Variants in TOX observed in about 807,000 individuals in gnomAD.
TOX encodes the protein thymocyte selection-associated high mobility group box protein TOX.
A neutral mutation model predicts 53.7 loss-of-function variants in TOX; 11 were observed. The observed-to-expected ratio is 0.20, with a 90% CI of 0.13 to 0.34. The LOEUF (loss-of-function observed/expected upper bound fraction) is 0.34. Ranked by LOEUF, TOX falls within the 10% of genes least tolerant of loss-of-function variation. The pLI is 1.00. For synonymous variants in TOX, 225 were observed against 245.3 expected (o/e 0.92, Z 0.77); for missense variants, 570 against 664.6 (o/e 0.86, Z 1.56).
intron 1 of TOX, among the ~76,000 whole-genome samples, chr8:59,021,477 A>AT (rs1187458598): frequency 1.8e-3 from 108 of 61,384 alleles, no homozygotes; most frequent in African/African-American, 3.9e-3. Context: ...AAAAAAAAAA[A>AT]AAAAATATAT....
intron 2 of TOX, 41 bp from the exon 3 acceptor site, chr8:58,939,585 T>C: frequency 5.1e-6 from 8 of 1,568,866 alleles, no homozygotes; most frequent in East Asian, 2.3e-5. Context: ...AATTATCATC[T>C]TCTTGCTCTT....
chr8:59,062,474 T>C (rs2129422028), intron 1 of TOX, among the ~76,000 whole-genome samples: 1 of 152,322 alleles, frequency 6.6e-6, no homozygotes, highest in East Asian at 1.9e-4. Flanking sequence ...GATAATTAAA[T>C]GTGAATTGAG....
intron 1 of TOX, among the ~76,000 whole-genome samples, chr8:58,972,904 T>C (rs1043997380): frequency 1.3e-5 from 2 of 152,218 alleles, no homozygotes; most frequent in African/African-American, 4.8e-5. Context: ...GGAACAGTTC[T>C]GAGCAGAATG....
chr8:59,081,200 T>C (rs80242558), intron 1 of TOX, among the ~76,000 whole-genome samples: 2,497 of 152,122 alleles, frequency 0.016, 90 homozygotes, highest in East Asian at 0.14. Context: ...CTAATTTTTG[T>C]ATTTTTAGTA....
chr8:58,972,046 T>C (rs16924342), intron 1 of TOX, among the ~76,000 whole-genome samples: 3,584 of 152,174 alleles, frequency 0.024, 134 homozygotes, highest in African/African-American at 0.082. Context: ...TATGAAATAA[T>C]GGGAGGAAAG....
At chr8:58,936,712 G>T (rs917630276) in intron 3 of TOX, among the ~76,000 whole-genome samples, 2 of 152,134 alleles carry the variant, frequency 1.3e-5, no homozygotes, top group African/African-American at 4.8e-5. Flanking sequence ...TCCAGCCAGA[G>T]ATCCCCAAGC....
intron 1 of TOX, among the ~76,000 whole-genome samples, chr8:59,011,376 T>C (rs1271794083): frequency 1.3e-5 from 2 of 152,208 alleles, no homozygotes; most frequent in Admixed American, 1.3e-4. Context: ...CAGGAAAGGC[T>C]GCAGAAACCA....
rs535957557 is a variant in TOX at position 59,060,423 on chromosome 8, T to C, written c.102+58463A>G. Among the ~76,000 whole-genome samples the C allele has an allele frequency of 3.9e-5, 6 of 152,294 alleles. No homozygotes were observed. In the East Asian group the frequency reaches 9.6e-4, roughly 24 times the overall value. ...CGGGCAGATCACGAGGTCAGGAGAT[T>C]GAGACCAGCCTGGCCAACACGGTGA... On this transcript the variant is annotated intron_variant, in intron 1 of 8. Transcript: ENST00000361421.
Position 58,975,291 on chromosome 8 carries a change from G to T in TOX, c.103-15283C>A, listed in dbSNP as rs537157627. The stretch of plus-strand genomic sequence containing the variant: ...CCACACAGAGAGAGAGAGAGAGAGG[G>T]GAGATTGACACTACTTTAGAGCAAT... On this transcript the variant is annotated intron_variant, in intron 1 of 8. Coordinates refer to ENST00000361421, the MANE Select transcript of TOX (RefSeq NM_014729.3). Among the ~76,000 whole-genome samples the T allele has an allele frequency of 6.1e-4, 92 of 151,410 alleles. 1 individual carries two copies. Among genetic ancestry groups the T allele is most frequent in the African/African-American group, 2.2e-3 (92 of 41,210 alleles).
chr8:58,847,122 A>C (rs1810730825), intron 4 of TOX, among the ~76,000 whole-genome samples: 1 of 152,150 alleles, frequency 6.6e-6, no homozygotes. Context: ...AGAGAAATCC[A>C]CCTTTAAACA....
chr8:58,814,031 T>C (rs1270379839), intron 7 of TOX, among the ~76,000 whole-genome samples: 1 of 152,208 alleles, frequency 6.6e-6, no homozygotes, highest in Non-Finnish European at 1.5e-5. Flanking sequence ...TGTCTTCCTC[T>C]AAATGAAGAT....
chr8:58,967,258 T>C (rs1294121714), intron 1 of TOX, among the ~76,000 whole-genome samples: 2 of 152,218 alleles, frequency 1.3e-5, no homozygotes, highest in Non-Finnish European at 2.9e-5. Flanking sequence ...CAAACCAGTT[T>C]GAACTTCTTC....
chr8:59,016,509 T>C (rs1468997518), intron 1 of TOX, among the ~76,000 whole-genome samples: 3 of 152,180 alleles, frequency 2.0e-5, no homozygotes, highest in Non-Finnish European at 4.4e-5. Flanking sequence ...TAAAAATGAA[T>C]GTCAGTAAAT....
intron 1 of TOX, among the ~76,000 whole-genome samples, chr8:59,049,447 T>G (rs1219497112): frequency 1.3e-5 from 2 of 152,218 alleles, no homozygotes; most frequent in African/African-American, 4.8e-5. Flanking sequence ...TTCAATATCT[T>G]GTTGTATTTT....
intron 5 of TOX, among the ~76,000 whole-genome samples, chr8:58,828,661 T>C (rs958609048): frequency 3.9e-5 from 6 of 152,064 alleles, no homozygotes; most frequent in African/African-American, 7.2e-5. Context: ...GATCTGTGTA[T>C]ATCGTAAGCC....
intron 3 of TOX, among the ~76,000 whole-genome samples, chr8:58,935,442 G>A (rs1318629880): frequency 6.6e-6 from 1 of 152,146 alleles, no homozygotes; most frequent in African/African-American, 2.4e-5. Context: ...ATTAGAGAAA[G>A]TTGATCCTAC....
intron 1 of TOX, among the ~76,000 whole-genome samples, chr8:59,040,112 G>A (rs1803548395): frequency 6.6e-6 from 1 of 151,994 alleles, no homozygotes; most frequent in African/African-American, 2.4e-5. Flanking sequence ...GGCGGATCAC[G>A]AGGTCAGGAG....
At chr8:58,965,894 G>GCTTTTTTTTTTT (rs1374766431) in intron 1 of TOX, among the ~76,000 whole-genome samples, 1 of 49,616 alleles carries the variant, frequency 2.0e-5, no homozygotes, top group African/African-American at 7.7e-5. Flanking sequence ...ACGAGTCATC[G>GCTTTTTTTTTTT]TTTTTTTTTT....
rs1236889206 is a variant in TOX, at chr8:59,040,189, C to T, written c.102+78697G>A. On this transcript the variant is annotated intron_variant, in intron 1 of 8. Transcript: ENST00000361421. ...CTAAAAATACAAAAAATTAGCCGGG[C>T]GTAGTGGCGGGCGCCTGTAGTCCCA... Among the ~76,000 whole-genome samples, 11 of 151,756 alleles carry T rather than the reference C, an allele frequency of 7.2e-5. No individual in the cohort carries two copies. The East Asian group carries it at 2.1e-3, about 29-fold the overall frequency.
Sources: gnomAD v4.1 joint callset for allele counts (sites outside exome capture counted in the v4.1 genomes callset) on GRCh38, gnomAD v4.1.1 for gene constraint, MANE v1.5 for transcripts, NCBI Gene and HGNC (gene_info 2026-07-23, HGNC 2026-07-21) for gene names.